MACROD2: variants seen among roughly 807,000 people sequenced by gnomAD.
MACROD2 encodes ADP-ribose glycohydrolase MACROD2.
In MACROD2, 36 loss-of-function variants were observed where a neutral mutation model predicts 70.4. The observed-to-expected ratio is 0.51, with a 90% CI of 0.39 to 0.68. The LOEUF (loss-of-function observed/expected upper bound fraction) is 0.68, where lower values mean the gene tolerates loss of function less well. Among genes scored for constraint, MACROD2 ranks in the 30% least tolerant of loss-of-function variants. The pLI, the probability that MACROD2 is intolerant of heterozygous loss-of-function variation, is 0.00. For missense variants in MACROD2, 496 were observed against 538.4 expected (o/e 0.92, Z 0.78); for synonymous variants, 172 against 178.8 (o/e 0.96, Z 0.30).
At chr20:15,984,756 C>A (rs1264511016) in intron 13 of MACROD2, among the ~76,000 whole-genome samples, 1 of 151,932 alleles carries the variant, frequency 6.6e-6, no homozygotes, top group African/African-American at 2.4e-5. Context: ...GCAAACTTCA[C>A]TTTTGTTGAA....
At chr20:15,867,002 TG>T (rs2064502713) in intron 9 of MACROD2, among the ~76,000 whole-genome samples, 1 of 152,152 alleles carries the variant, frequency 6.6e-6, no homozygotes. Context: ...ATACATTTTC[TG>T]ATTATTCTGG....
intron 5 of MACROD2, among the ~76,000 whole-genome samples, chr20:14,695,661 C>A (rs1439024625): frequency 1.3e-5 from 2 of 152,212 alleles, no homozygotes; most frequent in African/African-American, 4.8e-5. Context: ...TAAGGCCTGC[C>A]TGCAGCAATG....
At chr20:16,011,602 A>G (rs1242580857) in intron 15 of MACROD2, among the ~76,000 whole-genome samples, 2 of 152,202 alleles carry the variant, frequency 1.3e-5, no homozygotes, top group African/African-American at 2.4e-5. Context: ...TGACTGGGAG[A>G]GCCATCAGCC....
chr20:14,056,813 A>G (rs563433489), intron 2 of MACROD2, among the ~76,000 whole-genome samples: 4 of 141,810 alleles, frequency 2.8e-5, no homozygotes, highest in South Asian at 2.4e-4. Context: ...ACAGTTTTAT[A>G]TATTTATTCA....
At chr20:14,675,093 G>A (rs1269683653) in intron 4 of MACROD2, among the ~76,000 whole-genome samples, 2 of 152,132 alleles carry the variant, frequency 1.3e-5, no homozygotes, top group East Asian at 3.9e-4. Flanking sequence ...GTACCTGAAA[G>A]TGATGGGGAG....
chr20:14,595,400 G>T (rs550194940), intron 4 of MACROD2, among the ~76,000 whole-genome samples: 1 of 152,260 alleles, frequency 6.6e-6, no homozygotes, highest in African/African-American at 2.4e-5. Flanking sequence ...GGCCAGCCTC[G>T]TCCCCGCTGC....
intron 5 of MACROD2, among the ~76,000 whole-genome samples, chr20:15,174,275 T>C (rs1313222714): frequency 6.6e-6 from 1 of 152,232 alleles, no homozygotes; most frequent in Non-Finnish European, 1.5e-5. Flanking sequence ...AAAATGTTAC[T>C]TGTGGCCTTT....
At chr20:15,089,381 T>C (rs2075776347) in intron 5 of MACROD2, among the ~76,000 whole-genome samples, 1 of 152,060 alleles carries the variant, frequency 6.6e-6, no homozygotes, top group Non-Finnish European at 1.5e-5. Context: ...AAATGAGCAA[T>C]TGATGGTTGC....
chr20:14,294,220 ATG>A (rs1333710590), intron 3 of MACROD2, among the ~76,000 whole-genome samples: 2 of 146,224 alleles, frequency 1.4e-5, no homozygotes, highest in African/African-American at 2.8e-5. Context: ...GGGTGTATGC[ATG>A]TGTGTGTGTT....
intron 8 of MACROD2, among the ~76,000 whole-genome samples, chr20:15,521,275 A>G (rs1231518525): frequency 6.6e-6 from 1 of 152,180 alleles, no homozygotes; most frequent in Non-Finnish European, 1.5e-5. Flanking sequence ...TGAGCATGGC[A>G]GGGATTTCCA....
At chr20:14,466,584 C>T (rs907579101) in intron 3 of MACROD2, among the ~76,000 whole-genome samples, 45 of 152,118 alleles carry the variant, frequency 3.0e-4, no homozygotes, top group African/African-American at 1.0e-3. Context: ...TGACGAGCTG[C>T]GTTCCTTTGG....
At chr20:15,767,060 C>T (rs1187196749) in intron 8 of MACROD2, among the ~76,000 whole-genome samples, 2 of 152,182 alleles carry the variant, frequency 1.3e-5, no homozygotes, top group Admixed American at 6.5e-5. Flanking sequence ...GCAGTGCTGC[C>T]AAGAGTTTAT....
intron 2 of MACROD2, among the ~76,000 whole-genome samples, chr20:14,021,281 G>A (rs368065879): frequency 9.2e-4 from 140 of 152,190 alleles, no homozygotes; most frequent in African/African-American, 2.7e-3. Context: ...GAGCCACCAC[G>A]CCCAGAGCTT....
intron 5 of MACROD2, among the ~76,000 whole-genome samples, chr20:14,787,364 C>A (rs2072387754): frequency 1.3e-5 from 2 of 152,218 alleles, no homozygotes; most frequent in South Asian, 4.1e-4. Context: ...AAAAGAACAT[C>A]TGTCATTGTT....
At chr20:15,674,453 T>C (rs2050027110) in intron 8 of MACROD2, among the ~76,000 whole-genome samples, 1 of 151,778 alleles carries the variant, frequency 6.6e-6, no homozygotes, top group South Asian at 2.1e-4. Flanking sequence ...AATAGGCGAG[T>C]CATCAATAAT....
At chr20:15,264,695 A>C (rs914562087) in intron 6 of MACROD2, among the ~76,000 whole-genome samples, 2 of 150,656 alleles carry the variant, frequency 1.3e-5, no homozygotes, top group Non-Finnish European at 3.0e-5. Flanking sequence ...TGAGCACAGT[A>C]TCCTGGGCAT....
In MACROD2 at chr20:14,622,357, C is replaced by CT. The variant is rs201536755; in HGVS notation, c.302-62481dup. On this transcript the variant is annotated intron_variant, in intron 4 of 17. Transcript: ENST00000684519. Reference sequence around the variant, plus strand: ...CATTTGCTTTTCTATGATTGCACACCTTTTTAAAAAAAAATGCTGTGTGCA... The same window carrying CT: ...CATTTGCTTTTCTATGATTGCACACCTTTTTTAAAAAAAAATGCTGTGTGCA... 4.2e-4 allele frequency among the ~76,000 whole-genome samples: 64 copies of CT among 151,906 alleles called. No homozygotes were observed. In the East Asian group the frequency reaches 0.01, roughly 25 times the overall value.
intron 7 of MACROD2, among the ~76,000 whole-genome samples, chr20:15,453,750 A>G (rs986933593): frequency 4.6e-5 from 7 of 152,188 alleles, no homozygotes; most frequent in African/African-American, 1.7e-4. Context: ...TACCGCCCAG[A>G]GAAACATTCT....
intron 5 of MACROD2, among the ~76,000 whole-genome samples, chr20:15,227,696 A>G (rs1410444404): frequency 2.0e-5 from 3 of 152,120 alleles, no homozygotes; most frequent in African/African-American, 7.2e-5. Flanking sequence ...ACAGGTTTCA[A>G]TCGTCAACTG....
Sources: allele counts gnomAD v4.1 joint callset (sites outside exome capture counted in the v4.1 genomes callset), GRCh38; gene constraint gnomAD v4.1.1; transcripts MANE v1.5; gene names NCBI Gene and HGNC (gene_info 2026-07-23, HGNC 2026-07-21).